The following EPHA5 variants were observed in gnomAD, a reference collection of about 807,000 sequenced individuals.
EPHA5 encodes the protein ephrin type-A receptor 5.
EPHA5 carries 60 observed loss-of-function variants against 105.0 expected under a neutral mutation model. The ratio of observed to expected loss-of-function variants is 0.57; its 90% CI spans 0.46 to 0.71. The LOEUF is 0.71. Among genes scored for constraint, EPHA5 ranks in the 30% least tolerant of loss-of-function variants. EPHA5 has a pLI of 0.00. For synonymous variants in EPHA5, 513 were observed against 449.1 expected (o/e 1.14, Z -1.80); for missense variants, 1,218 against 1,274.7 (o/e 0.96, Z 0.68).
intron 3 of EPHA5, among the ~76,000 whole-genome samples, chr4:65,567,983 T>C (rs967589098): frequency 7.3e-5 from 11 of 151,258 alleles, no homozygotes; most frequent in African/African-American, 2.7e-4. Flanking sequence ...CTCAAAATGT[T>C]GGTGCAGAAA....
rs2149440222 is a variant in EPHA5, at chr4:65,602,056, G to A, written c.495C>T (p.Asn165=). The A allele has an allele frequency of 6.2e-7, 1 of 1,614,060 alleles. No individual in the cohort carries two copies. Among genetic ancestry groups the A allele is most frequent in the Non-Finnish European group, 8.5e-7 (1 of 1,179,996 alleles). The change falls in exon 3 of 17, where the codon AAC becomes AAT. Residue 165 remains asparagine, a synonymous_variant. Transcript: ENST00000613740. The part of the protein sequence containing the change: ...YFESDDQNGR[N]IKENQYIKID... ...TTTTGATGTATTGGTTTTCCTTGAT[G>A]TTTCTCCCATTCTGATCATCTGACT...
intron 8 of EPHA5, among the ~76,000 whole-genome samples, chr4:65,371,279 C>A (rs531004439): frequency 4.9e-4 from 75 of 151,942 alleles, no homozygotes; most frequent in Admixed American, 1.2e-3. Context: ...TAGAGATGGG[C>A]AGGAGAAATT....
chr4:65,338,625 C>T (rs529767420), intron 14 of EPHA5, among the ~76,000 whole-genome samples: 8 of 152,128 alleles, frequency 5.3e-5, no homozygotes, highest in Non-Finnish European at 1.2e-4. Context: ...AAATACAGTG[C>T]TCTGTCTCTA....
chr4:65,495,674 T>A, intron 3 of EPHA5, 131 bp from the exon 4 acceptor site: 1 of 679,888 alleles, frequency 1.5e-6, no homozygotes, highest in Non-Finnish European at 2.3e-6. Flanking sequence ...TTTCAAGAAG[T>A]TTTCATAAGC....
intron 8 of EPHA5, 50 bp from the exon 9 acceptor site, chr4:65,367,474 T>C (rs755212839): frequency 3.2e-5 from 49 of 1,543,608 alleles, no homozygotes; most frequent in Non-Finnish European, 4.2e-5. Flanking sequence ...GGTGAATCAG[T>C]CACATCAAGC....
intron 16 of EPHA5, chr4:65,330,863 G>C: frequency 9.7e-7 from 1 of 1,034,692 alleles, no homozygotes; most frequent in Non-Finnish European, 1.2e-6. Context: ...AGTAAATTTA[G>C]AAAGCAAGCT....
chr4:65,394,247 A>T (rs1368718270), intron 8 of EPHA5, among the ~76,000 whole-genome samples: 1 of 152,188 alleles, frequency 6.6e-6, no homozygotes, highest in Non-Finnish European at 1.5e-5. Context: ...TAGTTTCTAA[A>T]GTTTTAAAAT....
chr4:65,626,456 A>AT (rs1464482740), intron 2 of EPHA5, among the ~76,000 whole-genome samples: 1 of 152,270 alleles, frequency 6.6e-6, no homozygotes, highest in Non-Finnish European at 1.5e-5. Flanking sequence ...CAGAGTTCAA[A>AT]TTTCATTTTG....
chr4:65,572,091 T>G (rs1016876205), intron 3 of EPHA5, among the ~76,000 whole-genome samples: 3 of 152,196 alleles, frequency 2.0e-5, no homozygotes, highest in Middle Eastern at 3.4e-3. Flanking sequence ...TTTTTCTCTA[T>G]TCTTTTTCTA....
rs374900894 is a variant in EPHA5, at chr4:65,495,374, G to A, written c.1066+14C>T. ...TTAAAGTTAGCACCACCAAATATCC[G>A]TGGGTTTCCTTACTTGTGCATGCCA... On this transcript the variant is annotated intron_variant, in intron 4 of 16. Transcript: ENST00000613740. 8.7e-6 allele frequency: 14 copies of A among 1,608,404 alleles called. No individual in the cohort carries two copies. Among genetic ancestry groups the A allele is most frequent in the East Asian group, 2.2e-5 (1 of 44,714 alleles).
At chr4:65,386,096 C>T (rs1720055913) in intron 8 of EPHA5, among the ~76,000 whole-genome samples, 1 of 151,672 alleles carries the variant, frequency 6.6e-6, no homozygotes, top group African/African-American at 2.4e-5. Flanking sequence ...TTTTATATCC[C>T]GTGCAAAATA....
At chr4:65,668,904 T>C (rs1578742140) in intron 1 of EPHA5, among the ~76,000 whole-genome samples, 1 of 151,520 alleles carries the variant, frequency 6.6e-6, no homozygotes, top group South Asian at 2.1e-4. Flanking sequence ...TTGGCTTGAG[T>C]GTGACAATGA....
At chr4:65,568,697 C>T (rs1215361265) in intron 3 of EPHA5, among the ~76,000 whole-genome samples, 3 of 150,658 alleles carry the variant, frequency 2.0e-5, no homozygotes, top group African/African-American at 7.3e-5. Flanking sequence ...TATGTCATAT[C>T]AATAGAAATA....
intron 3 of EPHA5, among the ~76,000 whole-genome samples, chr4:65,505,982 G>C (rs556233509): frequency 7.2e-5 from 11 of 151,956 alleles, no homozygotes; most frequent in African/African-American, 2.7e-4. Context: ...GTATATCTCC[G>C]AATGCTATCC....
At chr4:65,341,677 C>T (rs144660059) in intron 14 of EPHA5, among the ~76,000 whole-genome samples, 9 of 151,816 alleles carry the variant, frequency 5.9e-5, no homozygotes, top group African/African-American at 2.2e-4. Context: ...GTGCATTCTT[C>T]ATCACAGGAG....
At chr4:65,487,248 C>T (rs193270717) in intron 5 of EPHA5, among the ~76,000 whole-genome samples, 1 of 152,326 alleles carries the variant, frequency 6.6e-6, no homozygotes, top group Non-Finnish European at 1.5e-5. Context: ...ACTTAATTGA[C>T]TCCATCTTTC....
intron 1 of EPHA5, among the ~76,000 whole-genome samples, chr4:65,658,426 T>C (rs919160462): frequency 1.2e-4 from 18 of 152,100 alleles, no homozygotes; most frequent in Admixed American, 2.6e-4. Flanking sequence ...GCTTGAGCTA[T>C]TGAGCTGAAG....
In EPHA5 at chr4:65,351,666, T is replaced by G. The variant is rs908006818; in HGVS notation, c.2236-68A>C. 6 of 1,388,844 alleles carry G rather than the reference T, an allele frequency of 4.3e-6. No homozygotes were observed. The Admixed American group carries it at 1.1e-4, about 25-fold the overall frequency. The allele number at this position is 1,388,844 out of a possible 1,614,324, so 86.0% of individuals were successfully genotyped here. On this transcript the variant is annotated intron_variant, in intron 12 of 16. Transcript: ENST00000613740. ...ACTGGGGGAAAATATGAGAGGTCTG[T>G]ATTCAATCCCCCAAATTGATACTAT... is the stretch of plus-strand genomic sequence containing the variant.
chr4:65,471,816 G>C (rs1175698893), intron 5 of EPHA5, among the ~76,000 whole-genome samples: 1 of 152,022 alleles, frequency 6.6e-6, no homozygotes, highest in Admixed American at 6.6e-5. Flanking sequence ...AGGGATTATG[G>C]GGATTATAAT....
Sources: allele counts gnomAD v4.1 joint callset (sites outside exome capture counted in the v4.1 genomes callset), GRCh38; gene constraint gnomAD v4.1.1; transcripts MANE v1.5; gene names NCBI Gene and HGNC (gene_info 2026-07-23, HGNC 2026-07-21).